GTF2B: variants seen among roughly 807,000 people sequenced by gnomAD.
GTF2B encodes the protein general transcription factor IIB.
A neutral mutation model predicts 34.6 loss-of-function variants in GTF2B; 20 were observed. The ratio of observed to expected loss-of-function variants is 0.58; its 90% confidence interval spans 0.41 to 0.84. The LOEUF (loss-of-function observed/expected upper bound fraction) is 0.84. Ranked by LOEUF, GTF2B falls within the 40% of genes least tolerant of loss-of-function variation. GTF2B has a pLI of 0.00. For missense variants in GTF2B, 237 were observed against 393.3 expected (o/e 0.60, Z 3.36); for synonymous variants, 142 against 132.4 (o/e 1.07, Z -0.50).
At position 88,869,305 on chromosome 1, in the gene GTF2B, G is replaced by A. The variant is rs1343575112; in HGVS notation, c.125-5191C>T. ...TCTGCAAATTTTGGTATGCAAGGGA[G>A]GTCCTGGAACCAGTCCCCCACAGAT... On this transcript the variant is annotated intron_variant, in intron 2 of 6. Coordinates refer to ENST00000370500, the MANE Select transcript of GTF2B (RefSeq NM_001514.6). 2.9e-4 allele frequency among the ~76,000 whole-genome samples: 44 copies of A among 152,110 alleles called. 1 individual carries two copies. Among genetic ancestry groups the A allele is most frequent in the Admixed American group, 2.9e-3 (44 of 15,274 alleles).
intron 2 of GTF2B, among the ~76,000 whole-genome samples, chr1:88,872,456 A>T (rs528007765): frequency 3.0e-3 from 10 of 3,302 alleles, no homozygotes; most frequent in East Asian, 0.014. Flanking sequence ...CCATCTCAAT[A>T]AAAAAAAAAA....
Position 88,891,566 on chromosome 1 carries a change from G to C in GTF2B, c.-67C>G, listed in dbSNP as rs886456123. 3 of 1,387,880 alleles carry C rather than the reference G, an allele frequency of 2.2e-6. No individual in the cohort carries two copies. The highest frequency in any genetic ancestry group is 3.0e-6 in the Non-Finnish European group (3 of 992,148). 86.0% of individuals were successfully genotyped at this position (1,387,880 alleles called of 1,614,324 possible). On this transcript the variant is annotated 5_prime_UTR_variant, in exon 1 of 7. Coordinates refer to ENST00000370500, the MANE Select transcript of GTF2B (RefSeq NM_001514.6). ...ACACCGAAAGCAGGAAGCGAATGTG[G>C]CGAAGAGACGCGCAGAGATGAGTTT...
intron 5 of GTF2B, among the ~76,000 whole-genome samples, chr1:88,857,761 A>C (rs1673348899): frequency 7.3e-6 from 1 of 136,466 alleles, no homozygotes; most frequent in Admixed American, 8.9e-5. Flanking sequence ...AGCTCACTGC[A>C]ACCTCCACCT....
chr1:88,862,505 G>C (rs754502524), intron 3 of GTF2B, among the ~76,000 whole-genome samples: 1 of 152,160 alleles, frequency 6.6e-6, no homozygotes, highest in Non-Finnish European at 1.5e-5. Flanking sequence ...TCAAGCTACT[G>C]CTGCACTCCC....
intron 3 of GTF2B, among the ~76,000 whole-genome samples, chr1:88,862,344 C>G (rs187234314): frequency 1.8e-3 from 278 of 152,202 alleles, no homozygotes; most frequent in Non-Finnish European, 2.3e-3. Context: ...AGAATTGGGA[C>G]AAGCCTGGGC....
intron 3 of GTF2B, among the ~76,000 whole-genome samples, chr1:88,861,692 T>C (rs1026565023): frequency 1.3e-5 from 2 of 151,774 alleles, no homozygotes; most frequent in African/African-American, 2.4e-5. Flanking sequence ...ACAGGCCGAG[T>C]GTGATGGCAC....
At chr1:88,859,633 T>G (rs1251542743) in intron 5 of GTF2B, among the ~76,000 whole-genome samples, 2 of 152,106 alleles carry the variant, frequency 1.3e-5, no homozygotes, top group African/African-American at 4.8e-5. Flanking sequence ...GTCAGAAGTT[T>G]GAGACCAGCC....
intron 2 of GTF2B, among the ~76,000 whole-genome samples, chr1:88,867,403 A>C (rs897600283): frequency 1.3e-5 from 2 of 152,138 alleles, no homozygotes; most frequent in Non-Finnish European, 2.9e-5. Context: ...TCCACCAATT[A>C]AAGTGATACC....
At chr1:88,857,083 G>A in intron 6 of GTF2B, 123 bp downstream of exon 6, 1 of 845,852 alleles carries the variant, frequency 1.2e-6, no homozygotes, top group Non-Finnish European at 1.9e-6. Flanking sequence ...TTATAGGTGT[G>A]AGCCCCCGCG....
At chr1:88,871,273 G>A (rs1443444328) in intron 2 of GTF2B, among the ~76,000 whole-genome samples, 2 of 152,154 alleles carry the variant, frequency 1.3e-5, no homozygotes, top group Non-Finnish European at 2.9e-5. Flanking sequence ...ATACTTACAT[G>A]TTAGGATAAA....
At chr1:88,872,025 G>A (rs988973180) in intron 2 of GTF2B, among the ~76,000 whole-genome samples, 3 of 152,104 alleles carry the variant, frequency 2.0e-5, no homozygotes, top group East Asian at 1.9e-4. Context: ...GAGCAATTGC[G>A]TCCAGCCCAG....
Position 88,863,999 on chromosome 1 carries a change from C to T in GTF2B, c.240G>A (p.Leu80=). 1.9e-6 allele frequency: 3 copies of T among 1,613,876 alleles called. No homozygotes were observed. In the East Asian group the frequency reaches 6.7e-5, roughly 36 times the overall value. The change falls in exon 3 of 7, where the codon TTG becomes TTA. Residue 80 remains leucine (L), a synonymous_variant. Coordinates refer to ENST00000370500, the MANE Select transcript of GTF2B (RefSeq NM_001514.6). ...SQNPLLSDGD[L]STMIGKGTGA... is the part of the protein sequence containing the mutation. ...TTATTACCTTGCCAATCATGGTAGA[C>T]AAATCTCCATCACTCAGAAGAGGAT...
chr1:88,880,058 T>A (rs1673900153), intron 2 of GTF2B, among the ~76,000 whole-genome samples: 1 of 151,284 alleles, frequency 6.6e-6, no homozygotes, highest in Admixed American at 6.6e-5. Context: ...GACTCCTCCA[T>A]CTCAAAAAAA....
chr1:88,868,495 A>T (rs1673608520), intron 2 of GTF2B, among the ~76,000 whole-genome samples: 1 of 149,828 alleles, frequency 6.7e-6, no homozygotes, highest in South Asian at 2.1e-4. Flanking sequence ...CAATATGTGT[A>T]TTTATGTATT....
intron 3 of GTF2B, among the ~76,000 whole-genome samples, chr1:88,861,664 C>CAAACA (rs1018580240): frequency 1.8e-4 from 27 of 152,094 alleles, no homozygotes; most frequent in South Asian, 1.2e-3. Context: ...AACTCTGTCT[C>CAAACA]AAACAAAACA....
chr1:88,870,094 A>G (rs1221448655), intron 2 of GTF2B, among the ~76,000 whole-genome samples: 1 of 151,352 alleles, frequency 6.6e-6, no homozygotes, highest in Admixed American at 6.6e-5. Flanking sequence ...CGCCTGGCTA[A>G]TTTTTGTATT....
At chr1:88,881,169 TAAAAAAAAAA>T (rs537366934) in intron 2 of GTF2B, among the ~76,000 whole-genome samples, 4 of 125,328 alleles carry the variant, frequency 3.2e-5, no homozygotes, top group Non-Finnish European at 5.2e-5. Context: ...GGTATGTATT[TAAAAAAAAAA>T]AAAAAAAAAA....
chr1:88,888,712 T>G (rs1348818927), intron 1 of GTF2B, among the ~76,000 whole-genome samples: 1 of 152,162 alleles, frequency 6.6e-6, no homozygotes, highest in East Asian at 1.9e-4. Context: ...AAGAATAAGG[T>G]AGAAAACCTA....
At chr1:88,856,487 A>C (rs1673316936) in intron 6 of GTF2B, among the ~76,000 whole-genome samples, 1 of 152,074 alleles carries the variant, frequency 6.6e-6, no homozygotes, top group Non-Finnish European at 1.5e-5. Context: ...GATGGCCAAC[A>C]CGTATTTTAC....
Sources: gnomAD v4.1 joint callset for allele counts (sites outside exome capture counted in the v4.1 genomes callset) on GRCh38, gnomAD v4.1.1 for gene constraint, MANE v1.5 for transcripts, NCBI Gene and HGNC (gene_info 2026-07-23, HGNC 2026-07-21) for gene names.